Variants in MAP4 observed in about 807,000 individuals in gnomAD.
MAP4 encodes the protein microtubule associated protein 4, also known as microtubule-associated protein 4.
A neutral mutation model predicts 170.2 loss-of-function variants in MAP4; 76 were observed. The observed-to-expected ratio is 0.45, with a 90% CI of 0.37 to 0.54. The LOEUF (loss-of-function observed/expected upper bound fraction) is 0.54. Among genes scored for constraint, MAP4 ranks in the 20% least tolerant of loss-of-function variants. The pLI is 0.00. For synonymous variants in MAP4, 909 were observed against 994.5 expected (o/e 0.91, Z 1.62); for missense variants, 2,506 against 2,748.0 (o/e 0.91, Z 1.97).
At chr3:47,943,973 T>C (rs2100058109) in intron 3 of MAP4, among the ~76,000 whole-genome samples, 1 of 152,050 alleles carries the variant, frequency 6.6e-6, no homozygotes, top group South Asian at 2.1e-4. Context: ...ATACTGAATG[T>C]ACTTGTTCCT....
At chr3:48,080,077 T>A (rs957127196) in intron 1 of MAP4, among the ~76,000 whole-genome samples, 2 of 152,052 alleles carry the variant, frequency 1.3e-5, no homozygotes, top group African/African-American at 4.8e-5. Context: ...AAGAAAAAGG[T>A]GGGACAAAAT....
intron 3 of MAP4, among the ~76,000 whole-genome samples, chr3:47,953,738 G>C (rs377688603): frequency 4.7e-4 from 72 of 152,264 alleles, no homozygotes; most frequent in African/African-American, 1.7e-3. Context: ...AGTGAGGTGG[G>C]CATGGTGGTT....
At chr3:47,915,302 G>T (rs2100038158) in intron 7 of MAP4, among the ~76,000 whole-genome samples, 1 of 152,060 alleles carries the variant, frequency 6.6e-6, no homozygotes, top group Admixed American at 6.6e-5. Flanking sequence ...TTTTAGTGGA[G>T]ACGGGGTTTC....
At chr3:47,898,386 C>T (rs1301484299) in intron 10 of MAP4, among the ~76,000 whole-genome samples, 1 of 151,918 alleles carries the variant, frequency 6.6e-6, no homozygotes, top group African/African-American at 2.4e-5. Flanking sequence ...CCTGTAGTCC[C>T]AGCTACCCGG....
intron 17 of MAP4, among the ~76,000 whole-genome samples, chr3:47,864,004 GTCTC>G (rs1230766531): frequency 4.0e-5 from 6 of 148,906 alleles, no homozygotes; most frequent in Non-Finnish European, 7.4e-5. Context: ...TTTTTTCAGT[GTCTC>G]TCTCTGTCAC....
upstream of MAP4, among the ~76,000 whole-genome samples, chr3:48,021,353 G>T (rs1001130561): frequency 2.7e-4 from 38 of 142,344 alleles, no homozygotes; most frequent in African/African-American, 7.4e-4. Flanking sequence ...GTTTGTTTTT[G>T]TTTTTTTTTT....
At chr3:47,880,060 C>T (rs2096405821) in intron 10 of MAP4, among the ~76,000 whole-genome samples, 2 of 151,906 alleles carry the variant, frequency 1.3e-5, no homozygotes, top group African/African-American at 4.8e-5. Flanking sequence ...TTCTGTTAAA[C>T]GATTTTTCTG....
At chr3:47,880,783 T>G (rs1430780716) in intron 10 of MAP4, among the ~76,000 whole-genome samples, 1 of 152,148 alleles carries the variant, frequency 6.6e-6, no homozygotes, top group Non-Finnish European at 1.5e-5. Flanking sequence ...TCTTTTAAAT[T>G]GATTCAAGTT....
At chr3:47,924,512 C>G (rs996452770) in intron 4 of MAP4, among the ~76,000 whole-genome samples, 3 of 152,120 alleles carry the variant, frequency 2.0e-5, no homozygotes, top group African/African-American at 7.2e-5. Flanking sequence ...CCTGGACCTC[C>G]TCTTTTTCAC....
intron 3 of MAP4, among the ~76,000 whole-genome samples, chr3:47,944,416 T>C (rs1260435233): frequency 2.6e-5 from 4 of 152,098 alleles, no homozygotes; most frequent in Non-Finnish European, 4.4e-5. Flanking sequence ...CAAAATATAG[T>C]ATTTTACTTT....
intron 12 of MAP4, among the ~76,000 whole-genome samples, chr3:47,872,659 A>G (rs1576871238): frequency 6.6e-6 from 1 of 152,200 alleles, no homozygotes; most frequent in East Asian, 1.9e-4. Flanking sequence ...AACTACTTCA[A>G]TCCAACTTGA....
intron 3 of MAP4, among the ~76,000 whole-genome samples, chr3:47,955,435 T>TAC (rs3079351): frequency 0.044 from 5,915 of 135,400 alleles, 169 homozygotes; most frequent in African/African-American, 0.084. Flanking sequence ...AATAAGCACG[T>TAC]ACACACACAC....
intron 3 of MAP4, among the ~76,000 whole-genome samples, chr3:47,949,109 T>C (rs2100061982): frequency 6.6e-6 from 1 of 152,200 alleles, no homozygotes; most frequent in East Asian, 1.9e-4. Flanking sequence ...TTCATTCAAC[T>C]ATCCCTTAAG....
At chr3:47,856,998 C>G (rs986450485) in intron 18 of MAP4, among the ~76,000 whole-genome samples, 2 of 152,236 alleles carry the variant, frequency 1.3e-5, no homozygotes, top group African/African-American at 2.4e-5. Context: ...ATTCTCCTGC[C>G]AGGGCTAGCG....
chr3:47,965,334 C>T (rs1417823747), intron 3 of MAP4, among the ~76,000 whole-genome samples: 4 of 152,128 alleles, frequency 2.6e-5, no homozygotes, highest in Non-Finnish European at 5.9e-5. Context: ...CATCTTTTGG[C>T]CACTGTGAAT....
intron 1 of MAP4, among the ~76,000 whole-genome samples, chr3:48,046,890 C>T (rs1234137224): frequency 6.6e-6 from 1 of 151,528 alleles, no homozygotes; most frequent in African/African-American, 2.4e-5. Context: ...GTCAGGAGAT[C>T]GAGACCATCC....
At chr3:48,079,482 C>G (rs1439215570) in intron 1 of MAP4, among the ~76,000 whole-genome samples, 3 of 150,574 alleles carry the variant, frequency 2.0e-5, no homozygotes, top group African/African-American at 7.3e-5. Context: ...GGCAAAACCC[C>G]ATCTCTACTA....
chr3:48,086,092 G>A (rs1321695229), intron 1 of MAP4, among the ~76,000 whole-genome samples: 2 of 150,684 alleles, frequency 1.3e-5, no homozygotes. Context: ...GTATGTATGT[G>A]TGTATATATA....
intron 2 of MAP4, among the ~76,000 whole-genome samples, chr3:47,984,469 G>A (rs190806040): frequency 6.6e-6 from 1 of 152,184 alleles, no homozygotes; most frequent in Admixed American, 6.6e-5. Context: ...TTAGATACAG[G>A]ATACATACAT....
Sources: gnomAD v4.1 joint callset for allele counts (sites outside exome capture counted in the v4.1 genomes callset) on GRCh38, gnomAD v4.1.1 for gene constraint, MANE v1.5 for transcripts, NCBI Gene and HGNC (gene_info 2026-07-23, HGNC 2026-07-21) for gene names.